Variants in TBC1D5 observed in about 807,000 individuals in gnomAD.
TBC1D5 encodes the protein TBC1 domain family, member 5.
A neutral mutation model predicts 100.3 loss-of-function variants in TBC1D5; 75 were observed. That is an observed-to-expected ratio of 0.75 (90% CI 0.62 to 0.91). TBC1D5 has a LOEUF of 0.91. Ranked by LOEUF, TBC1D5 falls within the 40% of genes least tolerant of loss-of-function variation. The pLI, the probability that TBC1D5 is intolerant of heterozygous loss-of-function variation, is 0.00. For missense variants in TBC1D5, 910 were observed against 942.4 expected (o/e 0.97, Z 0.45); for synonymous variants, 323 against 325.6 (o/e 0.99, Z 0.09).
intron 1 of TBC1D5, among the ~76,000 whole-genome samples, chr3:17,701,523 T>C (rs1166728925): frequency 6.6e-6 from 1 of 152,074 alleles, no homozygotes; most frequent in Non-Finnish European, 1.5e-5. Flanking sequence ...TAGTTCCAGC[T>C]ACTACAGAGG....
chr3:17,294,335 C>A lies in TBC1D5; in HGVS notation c.1139-2334G>T, dbSNP rs534073467. Among the ~76,000 whole-genome samples, 349 of 152,204 alleles carry A rather than the reference C, an allele frequency of 2.3e-3. 1 individual carries two copies. Among genetic ancestry groups the A allele is most frequent in the Non-Finnish European group, 4.0e-3 (274 of 67,994 alleles). The stretch of plus-strand genomic sequence containing the variant: ...CCTGGGCTCATGCAATCCTCCTGCC[C>A]CAGCCTCTGGAGTAGCTATTACGGA... On this transcript the variant is annotated intron_variant, in intron 14 of 21. Transcript: ENST00000253692.
rs182232666 is a variant in TBC1D5, at chr3:17,200,644, C to A, written c.1752+13563G>T. Among the ~76,000 whole-genome samples, 93 of 152,202 alleles carry A rather than the reference C, an allele frequency of 6.1e-4. 1 individual carries two copies. The East Asian group carries it at 0.017, about 28-fold the overall frequency. On this transcript the variant is annotated intron_variant, in intron 18 of 21. Coordinates refer to ENST00000253692, the Ensembl canonical transcript of TBC1D5. ...ACTGCTGCTATAGTTGGTAACAATT[C>A]TAAGGGAAATTGTCATCTTAAATAA...
At chr3:17,633,574 G>A (rs981513881) in intron 1 of TBC1D5, among the ~76,000 whole-genome samples, 4 of 152,092 alleles carry the variant, frequency 2.6e-5, no homozygotes, top group African/African-American at 9.7e-5. Context: ...ATCATTGAGA[G>A]AACAGAGCTA....
chr3:17,654,475 T>C (rs984708458), intron 1 of TBC1D5, among the ~76,000 whole-genome samples: 13 of 152,194 alleles, frequency 8.5e-5, no homozygotes, highest in Non-Finnish European at 1.5e-5. Context: ...ATGAAACCCA[T>C]ACATTGAACC....
chr3:17,235,472 G>C (rs553848811), intron 17 of TBC1D5, among the ~76,000 whole-genome samples: 2 of 152,282 alleles, frequency 1.3e-5, no homozygotes, highest in East Asian at 3.9e-4. Flanking sequence ...CACAACACAA[G>C]CCTCCTGACA....
At chr3:17,631,039 G>A (rs373066324) in intron 1 of TBC1D5, among the ~76,000 whole-genome samples, 58 of 64,158 alleles carry the variant, frequency 9.0e-4, no homozygotes, top group African/African-American at 3.9e-3. Context: ...GTGAGACTCC[G>A]TCTCAAAAAA....
At chr3:17,617,277 T>C (rs2062252480) in intron 2 of TBC1D5, among the ~76,000 whole-genome samples, 1 of 152,264 alleles carries the variant, frequency 6.6e-6, no homozygotes, top group Admixed American at 6.5e-5. Flanking sequence ...GGCTCCCCTT[T>C]GTGGGTAACT....
intron 3 of TBC1D5, among the ~76,000 whole-genome samples, chr3:17,481,315 G>A (rs944625524): frequency 2.6e-5 from 4 of 152,240 alleles, no homozygotes; most frequent in Non-Finnish European, 5.9e-5. Context: ...ACCCTTGGAA[G>A]GCATGGGATT....
chr3:17,461,799 G>GCT (rs2095216087), intron 3 of TBC1D5, among the ~76,000 whole-genome samples: 1 of 152,054 alleles, frequency 6.6e-6, no homozygotes, highest in South Asian at 2.1e-4. Flanking sequence ...AGGGATGTTG[G>GCT]CTCTCACTGC....
At chr3:17,619,022 C>T (rs2062427140) in intron 2 of TBC1D5, among the ~76,000 whole-genome samples, 1 of 152,154 alleles carries the variant, frequency 6.6e-6, no homozygotes, top group South Asian at 2.1e-4. Context: ...TGTTCCTATT[C>T]AGCCATCTTG....
At chr3:17,571,846 A>G (rs1246099764) in intron 2 of TBC1D5, among the ~76,000 whole-genome samples, 1 of 152,062 alleles carries the variant, frequency 6.6e-6, no homozygotes, top group Non-Finnish European at 1.5e-5. Context: ...AGCTGACAAT[A>G]TACAGCTTTC....
At chr3:17,519,305 C>T (rs1185041912) in intron 2 of TBC1D5, among the ~76,000 whole-genome samples, 1 of 152,180 alleles carries the variant, frequency 6.6e-6, no homozygotes, top group Non-Finnish European at 1.5e-5. Context: ...AAGGAGGGCA[C>T]CATCTCCTAC....
chr3:17,278,107 T>C (rs1194695464), intron 15 of TBC1D5, among the ~76,000 whole-genome samples: 1 of 152,106 alleles, frequency 6.6e-6, no homozygotes, highest in Non-Finnish European at 1.5e-5. Context: ...CCTTAGGAAA[T>C]ATAAAAAGCA....
intron 3 of TBC1D5, among the ~76,000 whole-genome samples, chr3:17,443,989 C>CATTAA (rs142658769): frequency 0.091 from 13,836 of 152,064 alleles, 1,413 homozygotes; most frequent in African/African-American, 0.26. Context: ...ATCAAAATCA[C>CATTAA]ATAAGTCTTC....
intron 1 of TBC1D5, among the ~76,000 whole-genome samples, chr3:17,712,299 A>G (rs1277507873): frequency 6.6e-6 from 1 of 152,234 alleles, no homozygotes; most frequent in Non-Finnish European, 1.5e-5. Context: ...CTGATGAACA[A>G]GAATTTTACC....
chr3:17,375,694 T>C (rs1158744524), intron 10 of TBC1D5, among the ~76,000 whole-genome samples: 1 of 151,968 alleles, frequency 6.6e-6, no homozygotes, highest in Non-Finnish European at 1.5e-5. Context: ...CTCAGTAAAA[T>C]TAGCAAAGCT....
intron 15 of TBC1D5, among the ~76,000 whole-genome samples, chr3:17,274,750 T>C (rs543666155): frequency 4.2e-4 from 64 of 152,292 alleles, no homozygotes; most frequent in African/African-American, 1.4e-3. Context: ...ATTGCTGTTG[T>C]TGTAGAAAAA....
At chr3:17,563,260 C>T (rs1465056706) in intron 2 of TBC1D5, among the ~76,000 whole-genome samples, 2 of 152,072 alleles carry the variant, frequency 1.3e-5, no homozygotes, top group African/African-American at 2.4e-5. Context: ...CCAAGAAAAG[C>T]GACATCAAAT....
At chr3:17,343,393 A>G (rs1383676095) in intron 13 of TBC1D5, among the ~76,000 whole-genome samples, 2 of 151,428 alleles carry the variant, frequency 1.3e-5, no homozygotes, top group African/African-American at 2.4e-5. Context: ...GGATTTTCGC[A>G]TCAATGTTCA....
Sources: allele counts gnomAD v4.1 joint callset (sites outside exome capture counted in the v4.1 genomes callset), GRCh38; gene constraint gnomAD v4.1.1; transcripts MANE v1.5; gene names NCBI Gene and HGNC (gene_info 2026-07-23, HGNC 2026-07-21).